Variants in PSMD1 observed in about 807,000 individuals in gnomAD.
The protein encoded by PSMD1 is 26S proteasome non-ATPase regulatory subunit 1.
A neutral mutation model predicts 119.0 loss-of-function variants in PSMD1; 18 were observed. The ratio of observed to expected loss-of-function variants is 0.15; its 90% CI spans 0.10 to 0.22. The LOEUF is 0.22. PSMD1 is among the 10% of genes least tolerant of loss of function. PSMD1 has a pLI of 1.00. For synonymous variants in PSMD1, 374 were observed against 396.6 expected, an observed-to-expected ratio of 0.94 and a Z score of 0.68; for missense variants, 702 against 1,158.5, an observed-to-expected ratio of 0.61 and a Z score of 5.72.
chr2:231,158,738 T>C (rs1696567299), intron 19 of PSMD1, among the ~76,000 whole-genome samples: 1 of 152,234 alleles, frequency 6.6e-6, no homozygotes, highest in South Asian at 2.1e-4. Context: ...TACTTTCATA[T>C]CTTATTTTAA....
At chr2:231,111,652 T>C (rs1015575978) in intron 16 of PSMD1, among the ~76,000 whole-genome samples, 1 of 152,238 alleles carries the variant, frequency 6.6e-6, no homozygotes, top group Non-Finnish European at 1.5e-5. Flanking sequence ...AAGTTATTAA[T>C]TTGTGATCGG....
At chr2:231,119,708 TA>T (rs1249644349) in intron 16 of PSMD1, among the ~76,000 whole-genome samples, 3 of 151,758 alleles carry the variant, frequency 2.0e-5, no homozygotes, top group Non-Finnish European at 4.4e-5. Flanking sequence ...CCATCTCTAC[TA>T]AAAATACAAA....
intron 16 of PSMD1, among the ~76,000 whole-genome samples, chr2:231,110,419 G>A (rs932590842): frequency 6.6e-6 from 1 of 152,182 alleles, no homozygotes; most frequent in African/African-American, 2.4e-5. Flanking sequence ...GTTTCTTAGT[G>A]AAGTAGCTTA....
At chr2:231,061,586 A>G (rs895226302) in intron 2 of PSMD1, among the ~76,000 whole-genome samples, 4 of 151,634 alleles carry the variant, frequency 2.6e-5, no homozygotes, top group Non-Finnish European at 5.9e-5. Flanking sequence ...CTTTTTTGAG[A>G]CAGAGTCTCG....
chr2:231,061,409 C>G (rs1693755279), intron 2 of PSMD1, 99 bp downstream of exon 2: 1 of 1,053,302 alleles, frequency 9.5e-7, no homozygotes, highest in African/African-American at 1.6e-5. Context: ...AAGTTGCTGT[C>G]CTAGCTGGCT....
rs748201534 is a variant in PSMD1 at position 231,070,089 on chromosome 2, A to T, written c.575A>T (p.Gln192Leu). 5 of 1,579,262 alleles carry T rather than the reference A, an allele frequency of 3.2e-6. No homozygotes were observed. The highest frequency in any genetic ancestry group is 4.3e-6 in the Non-Finnish European group (5 of 1,166,330). Residue 192 changes from glutamine to leucine, a missense_variant, in exon 6 of 25, where the codon CAG (glutamine) becomes CTG (leucine). Coordinates refer to ENST00000308696, the MANE Select transcript of PSMD1 (RefSeq NM_002807.4). ...KLCMSLMQNK[Q>L]FRNKVLRVLV... ...TGCATGTCTTTAATGCAGAATAAAC[A>T]GTTTCGGAATAAAGTACTAAGAGTT...
intron 16 of PSMD1, among the ~76,000 whole-genome samples, chr2:231,105,122 T>C (rs1219667787): frequency 2.0e-5 from 3 of 152,218 alleles, no homozygotes; most frequent in Non-Finnish European, 4.4e-5. Context: ...TTATCTCCTT[T>C]ATTCTTAGGA....
intron 16 of PSMD1, among the ~76,000 whole-genome samples, chr2:231,130,367 G>A (rs1695825165): frequency 6.6e-6 from 1 of 152,190 alleles, no homozygotes; most frequent in Non-Finnish European, 1.5e-5. Flanking sequence ...TGTCTACCAA[G>A]TATTGATTTC....
chr2:231,139,558 T>TAAA lies in PSMD1; in HGVS notation c.1998+723_1998+725dup, dbSNP rs35924284. 7.1e-3 allele frequency among the ~76,000 whole-genome samples: 807 copies of TAAA among 114,214 alleles called. 6 individuals carry two copies. The highest frequency in any genetic ancestry group is 0.01 in the Non-Finnish European group (608 of 58,620). 74.9% of individuals were successfully genotyped at this position (114,214 alleles called of 152,430 possible). On this transcript the variant is annotated intron_variant, in intron 17 of 24. Transcript: ENST00000308696. ...CACTGTGCCTGGCCCATTGATTTCTTAAAAAAAAAAAAAAAAAGAAGAAGA... is the reference window on the plus strand; with the variant it reads ...CACTGTGCCTGGCCCATTGATTTCTTAAAAAAAAAAAAAAAAAAAAGAAGAAGA...
intron 16 of PSMD1, among the ~76,000 whole-genome samples, chr2:231,127,206 C>A: frequency 6.8e-6 from 1 of 146,766 alleles, no homozygotes; most frequent in South Asian, 2.1e-4. Context: ...ATTTGAGTAA[C>A]AAGTTAAAAG....
intron 5 of PSMD1, among the ~76,000 whole-genome samples, chr2:231,068,287 A>G (rs2125157700): frequency 6.6e-6 from 1 of 152,326 alleles, no homozygotes; most frequent in South Asian, 2.1e-4. Flanking sequence ...TAAATGAGTG[A>G]ATGAATGAAT....
chr2:231,148,657 GA>G (rs543361554), intron 18 of PSMD1, among the ~76,000 whole-genome samples: 4 of 152,174 alleles, frequency 2.6e-5, no homozygotes, highest in Non-Finnish European at 5.9e-5. Context: ...ATTGACATGT[GA>G]AACTCAAAAA....
chr2:231,100,796 A>G (rs576133886), intron 16 of PSMD1, among the ~76,000 whole-genome samples: 2 of 152,322 alleles, frequency 1.3e-5, no homozygotes, highest in South Asian at 4.1e-4. Flanking sequence ...CATTGAGCTG[A>G]TAACTGTTGT....
At chr2:231,159,356 A>G (rs929274400) in intron 19 of PSMD1, among the ~76,000 whole-genome samples, 7 of 152,220 alleles carry the variant, frequency 4.6e-5, no homozygotes, top group African/African-American at 1.7e-4. Context: ...GACAAAATCC[A>G]TAGTCTACTT....
chr2:231,099,796 C>T (rs955029491), intron 16 of PSMD1, among the ~76,000 whole-genome samples: 16 of 152,164 alleles, frequency 1.1e-4, no homozygotes, highest in African/African-American at 2.7e-4. Context: ...GGGGATGGCT[C>T]GCCTCTTTTT....
chr2:231,163,778 C>T (rs969821197), intron 21 of PSMD1, 51 bp downstream of exon 21: 2 of 1,332,772 alleles, frequency 1.5e-6, no homozygotes, highest in African/African-American at 3.0e-5. Flanking sequence ...ATAGGAGCCA[C>T]TGAGTATTTT....
intron 1 of PSMD1, 50 bp from the exon 2 acceptor site, chr2:231,061,217 A>T (rs1274324151): frequency 6.8e-7 from 1 of 1,460,998 alleles, no homozygotes. Context: ...GTTAATTTCC[A>T]CTTTAGTGAG....
At chr2:231,095,209 A>G (rs1694695590) in intron 16 of PSMD1, among the ~76,000 whole-genome samples, 6 of 152,210 alleles carry the variant, frequency 3.9e-5, no homozygotes. Flanking sequence ...ATTGCCCTTT[A>G]GGATGGAAAA....
At position 231,170,444 on chromosome 2, in the gene PSMD1, C is replaced by A; in HGVS notation, c.2716-122C>A. 1 of 1,074,936 alleles carries A rather than the reference C, an allele frequency of 9.3e-7. No homozygotes were observed. The highest frequency in any genetic ancestry group is 1.3e-6 in the Non-Finnish European group (1 of 775,354). The allele number at this position is 1,074,936 out of a possible 1,614,324, so 66.6% of individuals were successfully genotyped here. On this transcript the variant is annotated intron_variant, in intron 23 of 24. Coordinates refer to ENST00000308696, the MANE Select transcript of PSMD1 (RefSeq NM_002807.4). This position sits in a 1 kb window ranked among gnomAD's most constrained non-coding sequence, Gnocchi z 4.1. ...ATCTTTATCCCAGTAAAGTTCTACT[C>A]CAGTTTTTCACTTCCAAATCATTTA...
Sources: gnomAD v4.1 joint callset for allele counts (sites outside exome capture counted in the v4.1 genomes callset) on GRCh38, gnomAD v4.1.1 for gene constraint, Gnocchi (gnomAD v3.1) non-coding constraint, MANE v1.5 for transcripts, NCBI Gene and HGNC (gene_info 2026-07-23, HGNC 2026-07-21) for gene names.